Variants in SEMA6D observed in about 807,000 individuals in gnomAD.
SEMA6D encodes semaphorin-6D.
In SEMA6D, 35 loss-of-function variants were observed where a neutral mutation model predicts 106.6. That is an observed-to-expected ratio of 0.33 (90% CI 0.25 to 0.44). The LOEUF (loss-of-function observed/expected upper bound fraction) is 0.44, where lower values mean the gene tolerates loss of function less well. SEMA6D is among the 20% of genes least tolerant of loss of function. SEMA6D has a pLI of 1.00. For missense variants in SEMA6D, 1,185 were observed against 1,345.9 expected, an observed-to-expected ratio of 0.88 and a Z score of 1.87; for synonymous variants, 499 against 487.7, an observed-to-expected ratio of 1.02 and a Z score of -0.31.
chr15:47,352,866 T>C (rs888831915), intron 1 of SEMA6D, among the ~76,000 whole-genome samples: 1 of 152,216 alleles, frequency 6.6e-6, no homozygotes, highest in Non-Finnish European at 1.5e-5. Flanking sequence ...GCTTCCTGCC[T>C]ATGCAGTTAA....
chr15:47,408,949 G>A (rs889973751), intron 1 of SEMA6D, among the ~76,000 whole-genome samples: 7 of 152,170 alleles, frequency 4.6e-5, no homozygotes, highest in African/African-American at 1.4e-4. Context: ...ATGAGTGCAA[G>A]GACTCCGTCT....
intron 4 of SEMA6D, among the ~76,000 whole-genome samples, chr15:47,677,561 A>T (rs1362297113): frequency 6.6e-6 from 1 of 152,198 alleles, no homozygotes; most frequent in Non-Finnish European, 1.5e-5. Context: ...CAGTGTTACA[A>T]ATATCTTTGA....
At chr15:47,576,705 C>T (rs1037827902) in intron 3 of SEMA6D, among the ~76,000 whole-genome samples, 3 of 152,146 alleles carry the variant, frequency 2.0e-5, no homozygotes, top group Admixed American at 6.5e-5. Flanking sequence ...TCCTTGGACC[C>T]GGGCTAGGCA....
At chr15:47,649,359 T>A (rs1405239835) in intron 4 of SEMA6D, among the ~76,000 whole-genome samples, 1 of 152,088 alleles carries the variant, frequency 6.6e-6, no homozygotes, top group Non-Finnish European at 1.5e-5. Context: ...ACTGGGACAT[T>A]ATCAGCTAAC....
At chr15:47,653,072 CT>C (rs1036451425) in intron 4 of SEMA6D, among the ~76,000 whole-genome samples, 16 of 152,162 alleles carry the variant, frequency 1.1e-4, no homozygotes, top group African/African-American at 3.9e-4. Flanking sequence ...TTCTCCTTGG[CT>C]AGGAAAGGGT....
At chr15:47,287,539 GA>G (rs1367261581) in intron 1 of SEMA6D, among the ~76,000 whole-genome samples, 2 of 152,132 alleles carry the variant, frequency 1.3e-5, no homozygotes, top group African/African-American at 2.4e-5. Context: ...TAGCAGAGTA[GA>G]AAAAGGCAAA....
intron 4 of SEMA6D, among the ~76,000 whole-genome samples, chr15:47,691,299 C>A (rs924763490): frequency 6.6e-6 from 1 of 152,070 alleles, no homozygotes; most frequent in African/African-American, 2.4e-5. Context: ...ATCACTTTGT[C>A]CCTCTGGGCT....
chr15:47,602,457 T>C (rs1019532625), intron 4 of SEMA6D, among the ~76,000 whole-genome samples: 2 of 152,050 alleles, frequency 1.3e-5, no homozygotes, highest in African/African-American at 4.8e-5. Flanking sequence ...TTTCATTTGC[T>C]AAAATACTGT....
chr15:47,469,371 G>A (rs1391802740), intron 2 of SEMA6D, among the ~76,000 whole-genome samples: 1 of 151,750 alleles, frequency 6.6e-6, no homozygotes, highest in East Asian at 1.9e-4. Context: ...TGTTTAGTGG[G>A]GGGAGGACTT....
At chr15:47,516,077 C>T (rs1353559076) in intron 3 of SEMA6D, among the ~76,000 whole-genome samples, 1 of 152,092 alleles carries the variant, frequency 6.6e-6, no homozygotes, top group Non-Finnish European at 1.5e-5. Context: ...TAGGATTCTA[C>T]TTGCACAGTC....
chr15:47,304,314 C>T (rs973528592), intron 1 of SEMA6D, among the ~76,000 whole-genome samples: 2 of 151,480 alleles, frequency 1.3e-5, no homozygotes, highest in African/African-American at 2.4e-5. Flanking sequence ...GGCATGGTGG[C>T]GGGTCCCTGT....
At chr15:47,497,864 T>C (rs2043721064) in intron 3 of SEMA6D, among the ~76,000 whole-genome samples, 1 of 152,164 alleles carries the variant, frequency 6.6e-6, no homozygotes, top group Non-Finnish European at 1.5e-5. Flanking sequence ...TGGCCTTCTT[T>C]GGCTTCTAGT....
chr15:47,239,981 T>C (rs552776378), intron 1 of SEMA6D, among the ~76,000 whole-genome samples: 1 of 152,330 alleles, frequency 6.6e-6, no homozygotes, highest in Non-Finnish European at 1.5e-5. Context: ...TTAGAAATCC[T>C]TGATATATCA....
chr15:47,465,715 CTT>C (rs1468910792), intron 2 of SEMA6D, among the ~76,000 whole-genome samples: 2 of 152,150 alleles, frequency 1.3e-5, no homozygotes, highest in Non-Finnish European at 2.9e-5. Context: ...CCTCCTTTCT[CTT>C]TGCCTTCTAC....
At chr15:47,730,663 G>A (rs564272549) in intron 1 of SEMA6D, 122 of 1,607,460 alleles carry the variant, frequency 7.6e-5, no homozygotes, top group African/African-American at 5.6e-4. Context: ...TATGCAGCTC[G>A]CTGTTTGGCG....
intron 1 of SEMA6D, among the ~76,000 whole-genome samples, chr15:47,346,753 T>A (rs936241836): frequency 6.6e-6 from 1 of 152,094 alleles, no homozygotes; most frequent in Admixed American, 6.5e-5. Flanking sequence ...AAGTAAATTT[T>A]TATATATTTT....
chr15:47,237,518 A>G (rs1278689154), intron 1 of SEMA6D, among the ~76,000 whole-genome samples: 1 of 152,000 alleles, frequency 6.6e-6, no homozygotes, highest in African/African-American at 2.4e-5. Context: ...GACCGAAGGG[A>G]TATGAGTGTT....
chr15:47,711,381 C>T (rs1049706025), intron 4 of SEMA6D, among the ~76,000 whole-genome samples: 1 of 150,710 alleles, frequency 6.6e-6, no homozygotes, highest in African/African-American at 2.4e-5. Flanking sequence ...TGATTAGGTT[C>T]GAAGGCCAGA....
At chr15:47,723,687 A>C (rs938667262) in intron 1 of SEMA6D, among the ~76,000 whole-genome samples, 4 of 147,978 alleles carry the variant, frequency 2.7e-5, no homozygotes, top group African/African-American at 1.0e-4. Flanking sequence ...ATTCTCTCTC[A>C]TGCATCAGCA....
Sources: allele counts gnomAD v4.1 joint callset (sites outside exome capture counted in the v4.1 genomes callset), GRCh38; gene constraint gnomAD v4.1.1; transcripts MANE v1.5; gene names NCBI Gene and HGNC (gene_info 2026-07-23, HGNC 2026-07-21).